TENM3: variants seen among roughly 807,000 people sequenced by gnomAD.
The protein encoded by TENM3 is teneurin-3.
In TENM3, 63 loss-of-function variants were observed where a neutral mutation model predicts 255.1. The ratio of observed to expected loss-of-function variants is 0.25; its 90% confidence interval spans 0.20 to 0.30. The LOEUF is 0.30. TENM3 is among the 10% of genes least tolerant of loss of function. The pLI, the probability that TENM3 is intolerant of heterozygous loss-of-function variation, is 1.00. For missense variants in TENM3, 2,929 were observed against 3,461.1 expected (o/e 0.85, Z 3.86); for synonymous variants, 1,306 against 1,322.3 (o/e 0.99, Z 0.27).
At chr4:181,846,953 A>C in the TENM3 span, among the ~76,000 whole-genome samples, 2 of 152,246 alleles carry the variant, frequency 1.3e-5, no homozygotes, top group African/African-American at 2.4e-5. Flanking sequence ...TCCTTTAACA[A>C]AAATAAATTT....
chr4:181,677,152 T>A, the TENM3 span, among the ~76,000 whole-genome samples: 1 of 152,228 alleles, frequency 6.6e-6, no homozygotes, highest in African/African-American at 2.4e-5. Flanking sequence ...CCCACCTGTG[T>A]CCATTGCGTT....
intron 1 of TENM3, among the ~76,000 whole-genome samples, chr4:182,148,507 T>C (rs1415459764): frequency 6.6e-6 from 1 of 152,150 alleles, no homozygotes; most frequent in Non-Finnish European, 1.5e-5. Context: ...AGGCATATTT[T>C]CTTGCCCATC....
chr4:181,707,129 A>T, the TENM3 span, among the ~76,000 whole-genome samples: 21 of 152,166 alleles, frequency 1.4e-4, no homozygotes, highest in African/African-American at 5.1e-4. Flanking sequence ...AGCAGAAGGG[A>T]GGGGACTTGC....
chr4:182,749,895 A>G (rs1413069714), intron 19 of TENM3, among the ~76,000 whole-genome samples: 1 of 152,220 alleles, frequency 6.6e-6, no homozygotes, highest in African/African-American at 2.4e-5. Context: ...CTTTCAAAGT[A>G]GACTCAGCTT....
At chr4:181,505,908 C>T in the TENM3 span, among the ~76,000 whole-genome samples, 3 of 152,162 alleles carry the variant, frequency 2.0e-5, no homozygotes, top group Non-Finnish European at 4.4e-5. Flanking sequence ...ACTTCCTTCC[C>T]TGGATTTGTG....
At chr4:182,262,914 C>T (rs1758937321) in intron 1 of TENM3, among the ~76,000 whole-genome samples, 1 of 151,860 alleles carries the variant, frequency 6.6e-6, no homozygotes. Context: ...GGGGTTTCAC[C>T]GTGTTAGCCA....
chr4:181,771,230 G>A, the TENM3 span, among the ~76,000 whole-genome samples: 3 of 152,216 alleles, frequency 2.0e-5, no homozygotes, highest in African/African-American at 7.2e-5. Context: ...ATTCCAGGAT[G>A]AGAAAAAGAC....
chr4:181,448,423 G>A, the TENM3 span, among the ~76,000 whole-genome samples: 1 of 151,632 alleles, frequency 6.6e-6, no homozygotes, highest in African/African-American at 2.4e-5. Context: ...CGCCCGCCTC[G>A]GCCTCCCAAA....
chr4:182,381,340 C>A (rs1767549591), intron 3 of TENM3, among the ~76,000 whole-genome samples: 3 of 151,954 alleles, frequency 2.0e-5, no homozygotes, highest in Admixed American at 6.6e-5. Context: ...GGAGGAGGGA[C>A]CATGGGATGC....
chr4:182,339,498 G>A (rs1370803728), intron 2 of TENM3, among the ~76,000 whole-genome samples: 1 of 152,162 alleles, frequency 6.6e-6, no homozygotes, highest in Non-Finnish European at 1.5e-5. Context: ...TTCAGGCTCG[G>A]CAGCCAACCT....
chr4:181,909,260 T>C, the TENM3 span, among the ~76,000 whole-genome samples: 14 of 152,344 alleles, frequency 9.2e-5, no homozygotes, highest in South Asian at 2.9e-3. Flanking sequence ...TAGCCCTGTG[T>C]CTTTGTGCAA....
At chr4:181,752,854 A>G in the TENM3 span, among the ~76,000 whole-genome samples, 2 of 152,182 alleles carry the variant, frequency 1.3e-5, no homozygotes, top group African/African-American at 2.4e-5. Context: ...GTACTGAAAA[A>G]AAAAAGAAAC....
chr4:182,730,104 G>T (rs1760569470), intron 14 of TENM3, 96 bp from the exon 15 acceptor site: 3 of 1,458,088 alleles, frequency 2.1e-6, no homozygotes, highest in African/African-American at 2.8e-5. Context: ...GCATAGCATA[G>T]TGTTATTTTA....
At chr4:182,485,183 C>T (rs1392679460) in intron 3 of TENM3, among the ~76,000 whole-genome samples, 2 of 152,152 alleles carry the variant, frequency 1.3e-5, no homozygotes, top group East Asian at 1.9e-4. Context: ...GCCCTGTCCT[C>T]GTTTGTATTT....
the TENM3 span, among the ~76,000 whole-genome samples, chr4:182,038,359 T>G: frequency 1.3e-5 from 2 of 152,242 alleles, no homozygotes; most frequent in Non-Finnish European, 2.9e-5. Context: ...AAATTATTAT[T>G]AAATGTATTA....
In TENM3 at chr4:182,402,986, C is replaced by G. The variant is rs190559157; in HGVS notation, c.511+56057C>G. ...TATTTTTGTCCCAAAGCTGATTTGT[C>G]TCAGATATTTTTGGTCACAGTTCAA... On this transcript the variant is annotated intron_variant, in intron 3 of 27. Coordinates refer to ENST00000511685, the MANE Select transcript of TENM3 (RefSeq NM_001080477.4). Among the ~76,000 whole-genome samples, 849 of 152,292 alleles carry G rather than the reference C, an allele frequency of 5.6e-3. 2 individuals carry two copies. Among genetic ancestry groups the G allele is most frequent in the Non-Finnish European group, 8.7e-3 (593 of 68,032 alleles).
chr4:181,724,523 A>C, the TENM3 span, among the ~76,000 whole-genome samples: 1 of 152,142 alleles, frequency 6.6e-6, no homozygotes, highest in Non-Finnish European at 1.5e-5. Context: ...ACTTATTTTT[A>C]ATAACACCTT....
chr4:181,713,219 C>A, the TENM3 span, among the ~76,000 whole-genome samples: 1 of 152,268 alleles, frequency 6.6e-6, no homozygotes, highest in East Asian at 1.9e-4. Flanking sequence ...AGTCACTTTC[C>A]ATGGTCCCAT....
chr4:181,678,876 G>T, the TENM3 span, among the ~76,000 whole-genome samples: 1 of 150,664 alleles, frequency 6.6e-6, no homozygotes, highest in Non-Finnish European at 1.5e-5. Context: ...ATGATTTGGG[G>T]ATATCATTAT....
Sources: gnomAD v4.1 joint callset for allele counts (sites outside exome capture counted in the v4.1 genomes callset) on GRCh38, gnomAD v4.1.1 for gene constraint, MANE v1.5 for transcripts, NCBI Gene and HGNC (gene_info 2026-07-23, HGNC 2026-07-21) for gene names.